The following COL5A2 variants were observed in gnomAD, a reference collection of about 807,000 sequenced individuals.
COL5A2 encodes the protein collagen alpha-2(V) chain.
A neutral mutation model predicts 208.2 loss-of-function variants in COL5A2; 23 were observed. The ratio of observed to expected loss-of-function variants is 0.11; its 90% CI spans 0.08 to 0.16. The LOEUF (loss-of-function observed/expected upper bound fraction) is 0.16, where lower values mean the gene tolerates loss of function less well. Among genes scored for constraint, COL5A2 ranks in the 10% least tolerant of loss-of-function variants. The probability of loss-of-function intolerance (pLI) is 1.00; values close to 1 mark genes in which losing one functional copy is unlikely to be tolerated. For synonymous variants in COL5A2, 625 were observed against 628.5 expected (o/e 0.99, Z 0.08); for missense variants, 1,590 against 1,956.4 (o/e 0.81, Z 3.53).
chr2:189,428,863 T>C, the COL5A2 span, among the ~76,000 whole-genome samples: 1 of 152,194 alleles, frequency 6.6e-6, no homozygotes, highest in Non-Finnish European at 1.5e-5. Context: ...AATGGCCTAA[T>C]ACACCACATG....
intron 7 of COL5A2, 56 bp from the exon 8 acceptor site, chr2:189,088,828 C>A (rs1686721622): frequency 7.9e-7 from 1 of 1,265,044 alleles, no homozygotes; most frequent in Non-Finnish European, 1.2e-6. Context: ...CATCAACGTC[C>A]TTTTCATATG....
the COL5A2 span, among the ~76,000 whole-genome samples, chr2:189,346,874 G>A: frequency 6.6e-6 from 1 of 152,182 alleles, no homozygotes; most frequent in East Asian, 1.9e-4. Context: ...TGAGGGAAAT[G>A]TTCAGGCATT....
intron 1 of COL5A2, among the ~76,000 whole-genome samples, chr2:189,115,668 T>C (rs747411536): frequency 1.3e-5 from 2 of 152,200 alleles, no homozygotes; most frequent in Non-Finnish European, 2.9e-5. Context: ...CATTTTCCCC[T>C]GTGAGCTGTG....
intron 1 of COL5A2, among the ~76,000 whole-genome samples, chr2:189,121,348 A>T (rs1687496003): frequency 6.6e-6 from 1 of 152,040 alleles, no homozygotes; most frequent in Non-Finnish European, 1.5e-5. Context: ...TCTCTCTACC[A>T]ACTGGCCAGG....
At chr2:189,402,056 A>C in the COL5A2 span, among the ~76,000 whole-genome samples, 1 of 152,092 alleles carries the variant, frequency 6.6e-6, no homozygotes, top group Non-Finnish European at 1.5e-5. Context: ...GTTGCACAGA[A>C]ACTCTTTATT....
chr2:189,046,613 G>A (rs552335988), intron 45 of COL5A2, among the ~76,000 whole-genome samples: 28 of 152,220 alleles, frequency 1.8e-4, no homozygotes, highest in African/African-American at 5.3e-4. Flanking sequence ...GTCTCCTTAA[G>A]AAGTCAGAGG....
the COL5A2 span, among the ~76,000 whole-genome samples, chr2:189,357,435 G>T: frequency 6.6e-6 from 1 of 152,154 alleles, no homozygotes; most frequent in Admixed American, 6.5e-5. Flanking sequence ...AATCTAGAGA[G>T]GCAGTCTGGC....
intron 2 of COL5A2, among the ~76,000 whole-genome samples, chr2:189,107,716 CTTTG>C (rs72202018): frequency 0.13 from 19,810 of 151,188 alleles, 1,311 homozygotes; most frequent in Middle Eastern, 0.19. Flanking sequence ...TTTCAAGTAT[CTTTG>C]TTTGGTGTGT....
chr2:189,196,008 A>G (rs1270765339), intron 1 of COL5A2, among the ~76,000 whole-genome samples: 1 of 152,194 alleles, frequency 6.6e-6, no homozygotes, highest in East Asian at 1.9e-4. Flanking sequence ...CTATCATCAG[A>G]GTGAACAGGC....
chr2:189,338,898 A>C, the COL5A2 span, among the ~76,000 whole-genome samples: 1 of 151,628 alleles, frequency 6.6e-6, no homozygotes, highest in Non-Finnish European at 1.5e-5. Context: ...TTTCTCGTTG[A>C]CTCTTGGCTA....
At chr2:189,075,275 T>C in intron 17 of COL5A2, 118 bp downstream of exon 17, 2 of 717,486 alleles carry the variant, frequency 2.8e-6, no homozygotes, top group South Asian at 1.5e-5. Context: ...TATGTGTCCA[T>C]CAACTTTTTA....
chr2:189,148,704 G>A (rs1688087395), intron 1 of COL5A2, among the ~76,000 whole-genome samples: 2 of 152,250 alleles, frequency 1.3e-5, no homozygotes, highest in East Asian at 3.9e-4. Context: ...ATAGATTTAG[G>A]TGAATCTTCA....
In COL5A2 at chr2:189,033,351, G is replaced by C. The variant is rs1216073878; in HGVS notation, c.*719C>G. ...AGAGGAGAAAGATATCTTTAAATTT[G>C]AATGAGAAAGATGTCTAAACTTATA... On this transcript the variant is annotated 3_prime_UTR_variant, in exon 54 of 54. Transcript: ENST00000374866. 8 of 152,602 alleles carry C rather than the reference G, an allele frequency of 5.2e-5. No homozygotes were observed. The allele number at this position is 152,602 out of a possible 1,614,324, so 9.5% of individuals were successfully genotyped here.
chr2:189,437,007 A>T, the COL5A2 span, among the ~76,000 whole-genome samples: 1 of 152,130 alleles, frequency 6.6e-6, no homozygotes, highest in East Asian at 1.9e-4. Flanking sequence ...CCTGGAACTT[A>T]AAATAAAAGT....
intron 30 of COL5A2, 59 bp downstream of exon 30, chr2:189,061,501 TTA>T (rs1686031325): frequency 5.9e-5 from 72 of 1,229,622 alleles, no homozygotes; most frequent in African/African-American, 3.2e-4. Context: ...ATCTTTTTTT[TTA>T]AAAAAAAAAA....
rs879241536 is a variant in COL5A2, at chr2:189,050,546, T to C, written c.3039+23A>G. 7.9e-6 allele frequency: 12 copies of C among 1,517,002 alleles called. No homozygotes were observed. In the Admixed American group the frequency reaches 2.0e-4, roughly 25 times the overall value. 94.0% of individuals were successfully genotyped at this position (1,517,002 alleles called of 1,614,324 possible). A position where few individuals can be genotyped will look rare whatever the true frequency, so the allele number is the denominator to read the frequency against. ...TTTGTATTGCACATATGAGATAAAA[T>C]ATTGACCGATGCAGCTACTCACCGC... On this transcript the variant is annotated intron_variant, in intron 43 of 53. Transcript: ENST00000374866.
In COL5A2 at chr2:189,109,802, A is replaced by G. The variant is rs964719393; in HGVS notation, c.322+423T>C. ...ACAGGGTGCTGTGGCACTGAATTAC[A>G]TTAGGAATAAGTATTCCATTCACTA... is the stretch of plus-strand genomic sequence containing the variant. On this transcript the variant is annotated intron_variant, in intron 2 of 53. Transcript: ENST00000374866. Among the ~76,000 whole-genome samples the G allele has an allele frequency of 4.6e-5, 7 of 152,352 alleles. No homozygotes were observed. In the East Asian group the frequency reaches 1.2e-3, roughly 25 times the overall value.
the COL5A2 span, among the ~76,000 whole-genome samples, chr2:189,403,860 G>A: frequency 1.3e-5 from 2 of 152,174 alleles, no homozygotes; most frequent in African/African-American, 2.4e-5. Flanking sequence ...AGCCTCCCGA[G>A]TAGCTGGGAT....
At chr2:189,410,723 T>C in the COL5A2 span, among the ~76,000 whole-genome samples, 2 of 152,176 alleles carry the variant, frequency 1.3e-5, no homozygotes, top group East Asian at 3.8e-4. Flanking sequence ...GGCTTGTTTA[T>C]GTTTACATAA....
Sources: allele counts gnomAD v4.1 joint callset (sites outside exome capture counted in the v4.1 genomes callset), GRCh38; gene constraint gnomAD v4.1.1; transcripts MANE v1.5; gene names NCBI Gene and HGNC (gene_info 2026-07-23, HGNC 2026-07-21).